Variants in NTNG2 observed in about 807,000 individuals in gnomAD.
The protein encoded by NTNG2 is netrin G2, also known as netrin-G2.
Under a neutral mutation model 47.6 loss-of-function variants are expected in NTNG2, and 15 were observed. The observed-to-expected ratio is 0.32, with a 90% confidence interval of 0.21 to 0.49. NTNG2 has a LOEUF of 0.49. Among genes scored for constraint, NTNG2 ranks in the 20% least tolerant of loss-of-function variants. The pLI is 0.99. For synonymous variants in NTNG2, 307 were observed against 324.6 expected, an observed-to-expected ratio of 0.95 and a Z score of 0.58; for missense variants, 578 against 764.6, an observed-to-expected ratio of 0.76 and a Z score of 2.88.
At chr9:132,239,639 G>T (rs1001907979) in intron 6 of NTNG2, among the ~76,000 whole-genome samples, 5 of 148,652 alleles carry the variant, frequency 3.4e-5, no homozygotes, top group Non-Finnish European at 7.6e-5. Flanking sequence ...GGGCTGGTGT[G>T]TGGGGGGGTC....
intron 2 of NTNG2, among the ~76,000 whole-genome samples, chr9:132,178,392 A>G (rs1836649579): frequency 6.6e-6 from 1 of 152,196 alleles, no homozygotes; most frequent in Non-Finnish European, 1.5e-5. Context: ...CAGTGCTTGC[A>G]TGTAGCAGGT....
At chr9:132,192,455 G>C (rs1837968934) in intron 2 of NTNG2, among the ~76,000 whole-genome samples, 1 of 152,154 alleles carries the variant, frequency 6.6e-6, no homozygotes, top group African/African-American at 2.4e-5. Context: ...GCCAGGCGTG[G>C]TGGCGCACGC....
In NTNG2 at chr9:132,166,637, AT is replaced by A; in HGVS notation, c.-191del. ...GCAGTCTGAGAAACGCTGGCTCTGAATTTTCCGTGTCGGCCTTTTGGAAACA... is the reference window on the plus strand; with the variant it reads ...GCAGTCTGAGAAACGCTGGCTCTGAATTTCCGTGTCGGCCTTTTGGAAACA... On this transcript the variant is annotated 5_prime_UTR_variant, in exon 2 of 8. Transcript: ENST00000393229. 3 of 601,566 alleles carry A rather than the reference AT, an allele frequency of 5.0e-6. No individual in the cohort carries two copies. In the East Asian group the frequency reaches 8.3e-5, roughly 17 times the overall value. 37.3% of individuals were successfully genotyped at this position (601,566 alleles called of 1,614,324 possible).
rs1836834273 is a variant in NTNG2, at chr9:132,180,319, C to T, written c.213+13275C>T. 6.6e-6 allele frequency among the ~76,000 whole-genome samples: 1 copy of T among 152,276 alleles called. No individual in the cohort carries two copies. Among genetic ancestry groups the T allele is most frequent in the South Asian group, 2.1e-4 (1 of 4,834 alleles). ...CCTGCCCTCCACCAAGGCAGGCCAT[C>T]CTCTGCTGCCAGCCTGCAACAGGGC... is the stretch of plus-strand genomic sequence containing the variant. On this transcript the variant is annotated intron_variant, in intron 2 of 7. Transcript: ENST00000393229. The surrounding 1 kb of genome is among the most constrained non-coding windows in gnomAD (Gnocchi z 4.2).
rs1055278597 is a variant in NTNG2 at position 132,163,288 on chromosome 9, C to A, written c.-484+1049C>A. 2.0e-5 allele frequency among the ~76,000 whole-genome samples: 3 copies of A among 151,988 alleles called. No homozygotes were observed. The highest frequency in any genetic ancestry group is 7.2e-5 in the African/African-American group (3 of 41,424). ...CTCGACCCTGGCCCCGGCCTCGACC[C>A]CGCCCGCGGCCCGCCGGGACCCACC... is the stretch of plus-strand genomic sequence containing the variant. On this transcript the variant is annotated intron_variant, in intron 1 of 7. Coordinates refer to ENST00000393229, the MANE Select transcript of NTNG2 (RefSeq NM_032536.4). The surrounding 1 kb of genome is among the most constrained non-coding windows in gnomAD (Gnocchi z 7.2).
Position 132,241,890 on chromosome 9 carries a change from G to A in NTNG2, c.1372G>A (p.Asp458Asn). The A allele has an allele frequency of 6.3e-7, 1 of 1,575,436 alleles. No homozygotes were observed. Among genetic ancestry groups the A allele is most frequent in the Non-Finnish European group, 8.6e-7 (1 of 1,167,346 alleles). ...RQGCYPNVCD[D>N]DQLLCQNGGT... ...TCCGCCTGCAGCCAACGTGTGCGAC[G>A]ACGACCAGCTGCTGTGCCAGAACGG... The change falls in exon 8 of 8, where the codon GAC (aspartate) becomes AAC (asparagine). Residue 458 changes from aspartate (D) to asparagine (N), a missense_variant. By Grantham distance (23) the Asp-to-Asn change is conservative. Transcript: ENST00000393229.
At chr9:132,198,884 G>C (rs1319521737) in intron 3 of NTNG2, among the ~76,000 whole-genome samples, 1 of 151,966 alleles carries the variant, frequency 6.6e-6, no homozygotes, top group African/African-American at 2.4e-5. Context: ...TGGTACCTGG[G>C]ACATGACCTG....
intron 3 of NTNG2, among the ~76,000 whole-genome samples, chr9:132,212,604 C>T (rs1432556417): frequency 6.6e-6 from 1 of 151,976 alleles, no homozygotes; most frequent in East Asian, 1.9e-4. Flanking sequence ...CCCCTCTGCC[C>T]CCACGGCTCT....
chr9:132,238,459 A>C (rs1841778779), intron 5 of NTNG2, among the ~76,000 whole-genome samples: 2 of 152,160 alleles, frequency 1.3e-5, no homozygotes, highest in African/African-American at 4.8e-5. Flanking sequence ...AGGGGGAGGC[A>C]TGCAGGTTCC....
chr9:132,198,887 A>G (rs1220401369), intron 3 of NTNG2, among the ~76,000 whole-genome samples: 1 of 152,030 alleles, frequency 6.6e-6, no homozygotes. Flanking sequence ...TACCTGGGAC[A>G]TGACCTGGTT....
At chr9:132,241,394 G>A (rs1478877403) in intron 7 of NTNG2, 2 of 389,212 alleles carry the variant, frequency 5.1e-6, no homozygotes, top group Non-Finnish European at 9.3e-6. Flanking sequence ...GAGGTCCGGG[G>A]CCGGGCCGAG....
chr9:132,195,474 A>ATTTTTTTTTTTTTTTTTTTTTTTTT (rs56733654), intron 2 of NTNG2, among the ~76,000 whole-genome samples: 1 of 80,118 alleles, frequency 1.2e-5, no homozygotes, highest in Non-Finnish European at 2.4e-5. Flanking sequence ...ACGCCTGGCT[A>ATTTTTTTTTTTTTTTTTTTTTTTTT]TTTTTTTTTT....
intron 3 of NTNG2, among the ~76,000 whole-genome samples, chr9:132,219,612 T>A (rs1840224428): frequency 6.6e-6 from 1 of 151,556 alleles, no homozygotes. Context: ...AAAGAAATTA[T>A]ACAATATGTA....
intron 5 of NTNG2, chr9:132,233,914 C>T (rs1841430463): frequency 6.6e-6 from 1 of 152,016 alleles, no homozygotes; most frequent in Non-Finnish European, 1.5e-5. Context: ...GGCAGCTGCT[C>T]AAGGTCTCAG....
At chr9:132,220,590 A>C (rs948289279) in intron 3 of NTNG2, among the ~76,000 whole-genome samples, 4 of 151,414 alleles carry the variant, frequency 2.6e-5, no homozygotes, top group African/African-American at 9.7e-5. Context: ...AGTAGTTGGG[A>C]TTACAGGCAC....
At chr9:132,219,301 GGTGCTTCAT>G (rs1840195963) in intron 3 of NTNG2, among the ~76,000 whole-genome samples, 1 of 151,804 alleles carries the variant, frequency 6.6e-6, no homozygotes, top group South Asian at 2.1e-4. Flanking sequence ...GGCTGGGCAC[GGTGCTTCAT>G]GCCTATAATC....
intron 2 of NTNG2, among the ~76,000 whole-genome samples, chr9:132,176,996 G>T (rs7853805): frequency 0.38 from 57,137 of 152,082 alleles, 13,351 homozygotes; most frequent in African/African-American, 0.65. Flanking sequence ...TGTTTTTGTT[G>T]TGTGTTGTTT....
upstream of NTNG2, chr9:132,162,052 G>C (rs1453241007): frequency 6.7e-6 from 1 of 150,052 alleles, no homozygotes; most frequent in Non-Finnish European, 1.5e-5. This position sits in a 1 kb window ranked among gnomAD's most constrained non-coding sequence, Gnocchi z 4.6. Context: ...AGGGCTCCCT[G>C]GCCCCGATCT....
intron 3 of NTNG2, among the ~76,000 whole-genome samples, chr9:132,205,083 A>G (rs1189225154): frequency 6.6e-6 from 1 of 152,212 alleles, no homozygotes; most frequent in Non-Finnish European, 1.5e-5. Context: ...AACAAGTTAC[A>G]TGTAGATTTA....
Sources: allele counts gnomAD v4.1 joint callset (sites outside exome capture counted in the v4.1 genomes callset), GRCh38; gene constraint gnomAD v4.1.1; non-coding constraint Gnocchi (gnomAD v3.1); transcripts MANE v1.5; gene names NCBI Gene and HGNC (gene_info 2026-07-23, HGNC 2026-07-21).